Variants in SRPK1 observed in about 807,000 individuals in gnomAD.
SRPK1 encodes SFRS protein kinase 1.
SRPK1 carries 52 observed loss-of-function variants against 89.5 expected under a neutral mutation model. The observed-to-expected ratio is 0.58, with a 90% CI of 0.46 to 0.73. SRPK1 has a LOEUF of 0.73. Among genes scored for constraint, SRPK1 ranks in the 30% least tolerant of loss-of-function variants. The pLI is 0.00. For missense variants in SRPK1, 603 were observed against 780.6 expected (o/e 0.77, Z 2.71); for synonymous variants, 255 against 270.2 (o/e 0.94, Z 0.55).
At chr6:35,874,955 C>G (rs1770123133) in intron 6 of SRPK1, among the ~76,000 whole-genome samples, 1 of 152,126 alleles carries the variant, frequency 6.6e-6, no homozygotes, top group South Asian at 2.1e-4. Flanking sequence ...AGCAGGAATA[C>G]TCTGAGTCTA....
intron 14 of SRPK1, 69 bp from the exon 15 acceptor site, chr6:35,838,498 T>G: frequency 2.8e-6 from 4 of 1,410,132 alleles, no homozygotes; most frequent in Non-Finnish European, 3.8e-6. Flanking sequence ...AATGCAGCTC[T>G]AGAAAACAGC....
chr6:35,884,917 T>C (rs1356823194), intron 6 of SRPK1, among the ~76,000 whole-genome samples: 1 of 152,068 alleles, frequency 6.6e-6, no homozygotes, highest in Non-Finnish European at 1.5e-5. Context: ...GGAGAATCAC[T>C]TGAACCCAGG....
chr6:35,842,575 CAAAT>C lies in SRPK1; in HGVS notation c.1646_1649del (p.Tyr549CysfsTer19). 2 of 1,611,226 alleles carry C rather than the reference CAAAT, an allele frequency of 1.2e-6. No homozygotes were observed. Among genetic ancestry groups the C allele is most frequent in the Non-Finnish European group, 1.7e-6 (2 of 1,178,814 alleles). ...ACTCTTCCCCTGAATGAGGTTCAAA[CAAAT>C]AGTCACCTGTGGCCAGTTCAAAGGC... On this transcript the variant is annotated frameshift_variant, in exon 14 of 16. Coordinates refer to ENST00000373825, the MANE Select transcript of SRPK1 (RefSeq NM_003137.5). LOFTEE classifies it high-confidence loss of function.
In SRPK1 at chr6:35,869,066, T is replaced by C. The variant is rs201207977; in HGVS notation, c.1456A>G (p.Lys486Glu). The change falls in exon 12 of 16, where the codon AAA becomes GAA. Residue 486 changes from lysine to glutamate, a missense_variant. Transcript: ENST00000373825. The part of the protein sequence containing the change: ...GNFLVNPLEP[K>E]NAEKLKVKIA... ...TTCACCTTGAGCTTTTCTGCATTTT[T>C]TGGCTCAAGGGGATTAACAAGAAAA... 2 of 1,613,966 alleles carry C rather than the reference T, an allele frequency of 1.2e-6. No homozygotes were observed. The highest frequency in any genetic ancestry group is 1.3e-5 in the African/African-American group (1 of 74,916).
At chr6:35,907,760 A>G (rs370170523) in intron 2 of SRPK1, among the ~76,000 whole-genome samples, 6 of 152,192 alleles carry the variant, frequency 3.9e-5, no homozygotes, top group East Asian at 3.8e-4. Flanking sequence ...ACACATGAAT[A>G]ACAAGAAAGA....
chr6:35,858,488 T>G (rs1387487359), intron 12 of SRPK1, among the ~76,000 whole-genome samples: 1 of 152,100 alleles, frequency 6.6e-6, no homozygotes, highest in East Asian at 1.9e-4. Context: ...GGGGAAAAGT[T>G]TCATATAAAG....
intron 2 of SRPK1, chr6:35,920,065 C>T (rs896867165): frequency 2.6e-5 from 12 of 459,940 alleles, no homozygotes; most frequent in African/African-American, 2.0e-4. Context: ...TAAGGCCTAC[C>T]GTGAAGACGT....
intron 13 of SRPK1, among the ~76,000 whole-genome samples, chr6:35,853,348 T>C (rs1769596724): frequency 6.6e-6 from 1 of 152,202 alleles, no homozygotes; most frequent in African/African-American, 2.4e-5. Context: ...ATAGCATTTA[T>C]ATTAGGTATT....
chr6:35,853,834 T>C (rs1289841680), intron 13 of SRPK1, among the ~76,000 whole-genome samples: 2 of 150,842 alleles, frequency 1.3e-5, no homozygotes, highest in African/African-American at 4.9e-5. Context: ...AAGAAGATAA[T>C]CTCATCCTGC....
intron 2 of SRPK1, among the ~76,000 whole-genome samples, chr6:35,917,805 A>G (rs973217118): frequency 6.6e-6 from 1 of 152,222 alleles, no homozygotes. Flanking sequence ...CTTTGTTTTT[A>G]TATCTTTAGG....
intron 2 of SRPK1, among the ~76,000 whole-genome samples, chr6:35,894,120 T>C (rs1391832961): frequency 5.3e-5 from 8 of 152,092 alleles, no homozygotes; most frequent in Admixed American, 2.6e-4. Flanking sequence ...CTAAGGATCA[T>C]CGAACATTTG....
chr6:35,833,338 T>C lies in SRPK1; in HGVS notation c.*1966A>G, dbSNP rs1233117494. On this transcript the variant is annotated 3_prime_UTR_variant, in exon 16 of 16. Coordinates refer to ENST00000373825, the MANE Select transcript of SRPK1 (RefSeq NM_003137.5). ...TTCCAAAATGAAGTTACAGGTTCTA[T>C]TAAAACTTACTGTCACATCAACTGT... 1 of 152,426 alleles carries C rather than the reference T, an allele frequency of 6.6e-6. No individual in the cohort carries two copies. Among genetic ancestry groups the C allele is most frequent in the African/African-American group, 2.4e-5 (1 of 41,466 alleles). 9.4% of individuals were successfully genotyped at this position (152,426 alleles called of 1,614,324 possible).
At chr6:35,866,477 C>T (rs984649883) in intron 12 of SRPK1, among the ~76,000 whole-genome samples, 7 of 151,638 alleles carry the variant, frequency 4.6e-5, no homozygotes, top group South Asian at 2.1e-4. Flanking sequence ...CCCAGCTACG[C>T]GGGAAGGGTG....
chr6:35,847,972 A>G (rs922433559), intron 13 of SRPK1, among the ~76,000 whole-genome samples: 12 of 151,700 alleles, frequency 7.9e-5, no homozygotes, highest in Non-Finnish European at 1.5e-4. Flanking sequence ...GCACCACCAC[A>G]CTTGGCTAAT....
chr6:35,920,599 C>T, intron 1 of SRPK1, 71 bp from the exon 2 acceptor site: 1 of 1,422,660 alleles, frequency 7.0e-7, no homozygotes, highest in Admixed American at 1.9e-5. Flanking sequence ...GGTGGAGACC[C>T]AGCAGGGGCG....
chr6:35,892,428 G>A (rs979278241), intron 2 of SRPK1, among the ~76,000 whole-genome samples: 3 of 152,062 alleles, frequency 2.0e-5, no homozygotes, highest in African/African-American at 4.8e-5. Flanking sequence ...GAGGCAGGTA[G>A]ATCATTTGAG....
chr6:35,897,106 G>A (rs747221396), intron 2 of SRPK1, among the ~76,000 whole-genome samples: 3 of 152,170 alleles, frequency 2.0e-5, no homozygotes, highest in Non-Finnish European at 4.4e-5. Context: ...TTTCTTACAG[G>A]AGGATAAAAA....
intron 6 of SRPK1, among the ~76,000 whole-genome samples, chr6:35,885,462 A>C (rs1378790895): frequency 6.6e-6 from 1 of 152,210 alleles, no homozygotes; most frequent in African/African-American, 2.4e-5. Context: ...TTAGAACAAT[A>C]GTCTTTCCAC....
chr6:35,895,684 C>T (rs1169064482), intron 2 of SRPK1: 1 of 152,186 alleles, frequency 6.6e-6, no homozygotes, highest in Admixed American at 6.6e-5. Context: ...TTCATAAGAT[C>T]CCCATTTCAG....
Sources: gnomAD v4.1 joint callset for allele counts (sites outside exome capture counted in the v4.1 genomes callset) on GRCh38, gnomAD v4.1.1 for gene constraint, MANE v1.5 for transcripts, NCBI Gene and HGNC (gene_info 2026-07-23, HGNC 2026-07-21) for gene names.